The following ARHGEF28 variants were observed in gnomAD, a reference collection of about 807,000 sequenced individuals.
The protein encoded by ARHGEF28 is Rho guanine nucleotide exchange factor 28.
A neutral mutation model predicts 206.6 loss-of-function variants in ARHGEF28; 152 were observed. That is an observed-to-expected ratio of 0.74 (90% CI 0.64 to 0.84). ARHGEF28 has a LOEUF of 0.84. Among genes scored for constraint, ARHGEF28 ranks in the 40% least tolerant of loss-of-function variants. ARHGEF28 has a pLI of 0.00. For synonymous variants in ARHGEF28, 763 were observed against 776.4 expected (o/e 0.98, Z 0.29); for missense variants, 2,028 against 2,073.2 (o/e 0.98, Z 0.42).
chr5:73,863,927 G>C (rs1386539580), intron 16 of ARHGEF28, among the ~76,000 whole-genome samples: 1 of 152,040 alleles, frequency 6.6e-6, no homozygotes, highest in Admixed American at 6.6e-5. Context: ...ACAGTTGTAG[G>C]GCGCAGCTTC....
rs369031098 is a variant in ARHGEF28, at chr5:73,887,485, A to G, written c.3311-118A>G. On this transcript the variant is annotated intron_variant, in intron 25 of 35. Transcript: ENST00000513042. ...ATAGCATATATCTTTGGCTATCATA[A>G]TACAGGTATTTTTATAAAACTTTCA... The G allele has an allele frequency of 1.0e-4, 75 of 742,680 alleles. No homozygotes were observed. The African/African-American group carries it at 1.1e-3, about 11-fold the overall frequency. 46.0% of individuals were successfully genotyped at this position (742,680 alleles called of 1,614,324 possible).
At chr5:73,786,947 T>C (rs772825479) in intron 7 of ARHGEF28, among the ~76,000 whole-genome samples, 2 of 152,192 alleles carry the variant, frequency 1.3e-5, no homozygotes, top group Admixed American at 6.5e-5. Flanking sequence ...GTGCAGCACT[T>C]CCCTCTGTGA....
chr5:73,795,922 C>A (rs1284551999), intron 9 of ARHGEF28, among the ~76,000 whole-genome samples: 1 of 152,214 alleles, frequency 6.6e-6, no homozygotes, highest in Non-Finnish European at 1.5e-5. Context: ...TGTGAGTGTC[C>A]TTTCAGAGGA....
intron 2 of ARHGEF28, among the ~76,000 whole-genome samples, chr5:73,710,371 T>A (rs1463755075): frequency 1.3e-5 from 2 of 152,256 alleles, no homozygotes; most frequent in African/African-American, 4.8e-5. Context: ...AAGTGTCTGC[T>A]CAGATATTTT....
chr5:73,811,171 G>T (rs181143599), intron 9 of ARHGEF28, among the ~76,000 whole-genome samples: 4 of 152,290 alleles, frequency 2.6e-5, no homozygotes, highest in African/African-American at 9.6e-5. Context: ...TTTGGTGATT[G>T]TCCACACTAG....
intron 1 of ARHGEF28, among the ~76,000 whole-genome samples, chr5:73,674,246 T>C (rs1416732155): frequency 6.6e-6 from 1 of 152,248 alleles, no homozygotes; most frequent in Non-Finnish European, 1.5e-5. Flanking sequence ...CCTGTATTCC[T>C]AACTGTGAAG....
intron 21 of ARHGEF28, among the ~76,000 whole-genome samples, chr5:73,871,885 C>G (rs1185880454): frequency 3.3e-5 from 5 of 152,180 alleles, no homozygotes; most frequent in Non-Finnish European, 7.3e-5. Flanking sequence ...CTTTTGTCAC[C>G]TAGCATACTG....
chr5:73,894,415 A>G lies in ARHGEF28; in HGVS notation c.3681A>G (p.Gln1227=), dbSNP rs531185350. 2 of 1,612,590 alleles carry G rather than the reference A, an allele frequency of 1.2e-6. No individual in the cohort carries two copies. Among genetic ancestry groups the G allele is most frequent in the African/African-American group, 1.3e-5 (1 of 75,010 alleles). ...TAGAAATACTCACTAACCAAGACCA[A>G]CAAATTTGTGCGTATTTGGAGGAGA... ...QCQEILTNQD[Q]QICAYLEEKL... Residue 1227 remains glutamine, a synonymous_variant, in exon 29 of 36, where the codon CAA becomes CAG. Coordinates refer to ENST00000513042, the MANE Select transcript of ARHGEF28 (RefSeq NM_001177693.2).
intron 1 of ARHGEF28, among the ~76,000 whole-genome samples, chr5:73,671,506 T>A (rs947045937): frequency 1.3e-5 from 2 of 151,918 alleles, no homozygotes; most frequent in Admixed American, 1.3e-4. Context: ...GTCTATGTGA[T>A]TTATTACTTT....
chr5:73,763,491 C>T (rs1244065929), intron 4 of ARHGEF28, among the ~76,000 whole-genome samples: 1 of 152,070 alleles, frequency 6.6e-6, no homozygotes, highest in Admixed American at 6.6e-5. Flanking sequence ...GGGCCATCTG[C>T]GAGGCATGAT....
intron 2 of ARHGEF28, among the ~76,000 whole-genome samples, chr5:73,691,602 A>C (rs1429423953): frequency 1.3e-5 from 2 of 152,204 alleles, no homozygotes; most frequent in East Asian, 3.8e-4. Flanking sequence ...GCTGTGTGCT[A>C]AAGATTGAGA....
chr5:73,805,460 G>A (rs1755378657), intron 9 of ARHGEF28, among the ~76,000 whole-genome samples: 2 of 152,092 alleles, frequency 1.3e-5, no homozygotes, highest in African/African-American at 4.8e-5. Flanking sequence ...GCAAATGAGT[G>A]GAGTCTATAA....
chr5:73,830,838 TGG>T (rs1757252694), intron 9 of ARHGEF28, among the ~76,000 whole-genome samples: 1 of 152,154 alleles, frequency 6.6e-6, no homozygotes, highest in Non-Finnish European at 1.5e-5. Flanking sequence ...TTCACCCCCA[TGG>T]GCTTATCAGG....
At position 73,873,925 on chromosome 5, in the gene ARHGEF28, G is replaced by A. The variant is rs531632908; in HGVS notation, c.2814+679G>A. Among the ~76,000 whole-genome samples, 112 of 152,234 alleles carry A rather than the reference G, an allele frequency of 7.4e-4. 1 individual carries two copies. The South Asian group carries it at 0.015, about 20-fold the overall frequency. On this transcript the variant is annotated intron_variant, in intron 22 of 35. Coordinates refer to ENST00000513042, the MANE Select transcript of ARHGEF28 (RefSeq NM_001177693.2). Reference sequence around the variant, plus strand: ...TTTCTGGGTTGTATGGGAGTTGTATGTTCAGTTTTGTAAGAAACTGCTAAC... The same window carrying A: ...TTTCTGGGTTGTATGGGAGTTGTATATTCAGTTTTGTAAGAAACTGCTAAC...
intron 21 of ARHGEF28, 122 bp from the exon 22 acceptor site, chr5:73,872,877 G>A: frequency 9.0e-7 from 1 of 1,117,220 alleles, no homozygotes; most frequent in Non-Finnish European, 1.2e-6. Flanking sequence ...GAATATTCTT[G>A]ATATTCCTAA....
intron 9 of ARHGEF28, chr5:73,813,736 C>G (rs1281273188): frequency 2.0e-6 from 3 of 1,494,202 alleles, no homozygotes; most frequent in Admixed American, 2.0e-5. Flanking sequence ...CTTTCTTTTC[C>G]GTGTTTCTTT....
intron 1 of ARHGEF28, among the ~76,000 whole-genome samples, chr5:73,651,620 A>T (rs552762165): frequency 1.3e-5 from 2 of 152,350 alleles, no homozygotes; most frequent in African/African-American, 4.8e-5. Context: ...AATTGAGATC[A>T]TCTAGTGTAT....
intron 1 of ARHGEF28, among the ~76,000 whole-genome samples, chr5:73,634,332 G>A (rs978280903): frequency 2.0e-5 from 3 of 152,126 alleles, no homozygotes; most frequent in South Asian, 2.1e-4. Flanking sequence ...TCCTCATAAA[G>A]ATATATACTG....
intron 25 of ARHGEF28, 176 bp from the exon 26 acceptor site, chr5:73,887,427 C>T: frequency 2.1e-6 from 1 of 480,566 alleles, no homozygotes. Flanking sequence ...CACAAACATG[C>T]ACACTTAAAG....
Sources: allele counts gnomAD v4.1 joint callset (sites outside exome capture counted in the v4.1 genomes callset), GRCh38; gene constraint gnomAD v4.1.1; transcripts MANE v1.5; gene names NCBI Gene and HGNC (gene_info 2026-07-23, HGNC 2026-07-21).